NELL1: variants seen among roughly 807,000 people sequenced by gnomAD.
NELL1 encodes neural EGFL like 1.
In NELL1, 76 loss-of-function variants were observed where a neutral mutation model predicts 107.4. The ratio of observed to expected loss-of-function variants is 0.71; its 90% CI spans 0.59 to 0.86. The LOEUF (loss-of-function observed/expected upper bound fraction) is 0.86. Ranked by LOEUF, NELL1 falls within the 40% of genes least tolerant of loss-of-function variation. The pLI is 0.00. For missense variants in NELL1, 1,024 were observed against 1,005.5 expected, an observed-to-expected ratio of 1.02 and a Z score of -0.25; for synonymous variants, 353 against 341.2, an observed-to-expected ratio of 1.03 and a Z score of -0.38.
chr11:21,544,923 AC>A (rs1308555321), intron 16 of NELL1, among the ~76,000 whole-genome samples: 5 of 151,914 alleles, frequency 3.3e-5, no homozygotes, highest in East Asian at 3.9e-4. Context: ...ATGATTGCAT[AC>A]ACTACTTGCT....
intron 4 of NELL1, among the ~76,000 whole-genome samples, chr11:20,857,145 C>T (rs1242661249): frequency 1.3e-5 from 2 of 152,042 alleles, no homozygotes; most frequent in African/African-American, 2.4e-5. Context: ...AGCTGTTGGC[C>T]GTATAAGGGA....
chr11:20,841,985 C>A (rs545106436), intron 3 of NELL1, among the ~76,000 whole-genome samples: 1 of 152,134 alleles, frequency 6.6e-6, no homozygotes, highest in Non-Finnish European at 1.5e-5. Flanking sequence ...GCCATTGAGA[C>A]CCCTGGTCTA....
At chr11:20,865,540 G>A (rs1564940649) in intron 4 of NELL1, among the ~76,000 whole-genome samples, 1 of 138,786 alleles carries the variant, frequency 7.2e-6, no homozygotes, top group Non-Finnish European at 1.6e-5. Flanking sequence ...GCATCTGTGG[G>A]CTTCTTTGCC....
At chr11:21,553,651 A>G (rs1037984636) in intron 16 of NELL1, among the ~76,000 whole-genome samples, 2 of 151,798 alleles carry the variant, frequency 1.3e-5, no homozygotes, top group Non-Finnish European at 2.9e-5. Flanking sequence ...TTTTTCAACC[A>G]CAGCTCCACC....
intron 15 of NELL1, among the ~76,000 whole-genome samples, chr11:21,429,543 A>G (rs1292274367): frequency 1.3e-5 from 2 of 152,220 alleles, no homozygotes; most frequent in East Asian, 1.9e-4. Context: ...AATGCAGTGC[A>G]TGACAAAAAT....
chr11:20,788,185 T>G (rs1857006478), intron 3 of NELL1, among the ~76,000 whole-genome samples: 1 of 152,228 alleles, frequency 6.6e-6, no homozygotes, highest in Non-Finnish European at 1.5e-5. Context: ...TACAAGCTAT[T>G]GTGTGGACAT....
chr11:20,916,041 C>G (rs896598607), intron 5 of NELL1, among the ~76,000 whole-genome samples: 1 of 151,712 alleles, frequency 6.6e-6, no homozygotes, highest in African/African-American at 2.4e-5. Flanking sequence ...GACTTACAAC[C>G]ATTCAAATAA....
chr11:20,952,077 A>G (rs1015102555), intron 11 of NELL1, among the ~76,000 whole-genome samples: 2 of 152,230 alleles, frequency 1.3e-5, no homozygotes, highest in African/African-American at 4.8e-5. Flanking sequence ...AATGTCAACA[A>G]TATTGACCAT....
intron 12 of NELL1, among the ~76,000 whole-genome samples, chr11:21,046,332 T>C (rs1311185452): frequency 6.6e-6 from 1 of 152,180 alleles, no homozygotes; most frequent in Non-Finnish European, 1.5e-5. Flanking sequence ...TATATGTTCT[T>C]ACTACCATTA....
chr11:21,085,402 G>T (rs192560655), intron 12 of NELL1, among the ~76,000 whole-genome samples: 2 of 152,298 alleles, frequency 1.3e-5, no homozygotes, highest in Non-Finnish European at 1.5e-5. Context: ...GGGAGGCTAA[G>T]TTGGGAGGAT....
intron 10 of NELL1, 128 bp from the exon 11 acceptor site, chr11:20,947,208 G>A: frequency 1.6e-6 from 1 of 620,966 alleles, no homozygotes; most frequent in Non-Finnish European, 2.9e-6. Context: ...CGTTTTTAGT[G>A]GAATCCCTGG....
chr11:21,364,780 G>A (rs1449527002), intron 14 of NELL1, among the ~76,000 whole-genome samples: 3 of 152,164 alleles, frequency 2.0e-5, no homozygotes, highest in Non-Finnish European at 4.4e-5. Flanking sequence ...AAATGATTGT[G>A]CCTTAAGGTA....
chr11:20,987,262 T>C (rs1851872493), intron 12 of NELL1, among the ~76,000 whole-genome samples: 1 of 152,190 alleles, frequency 6.6e-6, no homozygotes, highest in East Asian at 1.9e-4. Context: ...CTTATTCTTA[T>C]CTAATCAAAA....
intron 15 of NELL1, among the ~76,000 whole-genome samples, chr11:21,497,133 G>T (rs941009727): frequency 4.0e-4 from 52 of 129,556 alleles, no homozygotes; most frequent in African/African-American, 1.5e-3. Flanking sequence ...AATCCTTTGG[G>T]TATATACCCA....
intron 2 of NELL1, among the ~76,000 whole-genome samples, chr11:20,724,760 C>T (rs1432549491): frequency 6.6e-6 from 1 of 152,148 alleles, no homozygotes; most frequent in Non-Finnish European, 1.5e-5. Context: ...TTCCAAAGTC[C>T]CTTCCACATT....
intron 3 of NELL1, among the ~76,000 whole-genome samples, chr11:20,821,572 G>T (rs2134025242): frequency 6.6e-6 from 1 of 152,336 alleles, no homozygotes; most frequent in East Asian, 1.9e-4. Flanking sequence ...AAAAGGACTT[G>T]TTATGATTAT....
At chr11:21,496,453 AG>A (rs1854983624) in intron 15 of NELL1, among the ~76,000 whole-genome samples, 1 of 140,616 alleles carries the variant, frequency 7.1e-6, no homozygotes, top group South Asian at 2.2e-4. Flanking sequence ...TCTGTCACCC[AG>A]GCTGGAGTGC....
intron 15 of NELL1, among the ~76,000 whole-genome samples, chr11:21,500,419 A>G (rs1009562563): frequency 3.3e-5 from 5 of 152,116 alleles, no homozygotes; most frequent in Admixed American, 6.6e-5. Flanking sequence ...AGATCTAATG[A>G]TTATGTACCT....
chr11:20,688,641 G>T lies in NELL1; in HGVS notation c.184+10581G>T, dbSNP rs907510531. Among the ~76,000 whole-genome samples, 4 of 152,004 alleles carry T rather than the reference G, an allele frequency of 2.6e-5. No individual in the cohort carries two copies. In the East Asian group the frequency reaches 5.8e-4, roughly 22 times the overall value. ...TTTCTTTATCCAATCCACCATTAAT[G>T]GCCACCTAGATTGATTGCATGTCTT... On this transcript the variant is annotated intron_variant, in intron 2 of 19. Transcript: ENST00000357134.
Sources: gnomAD v4.1 joint callset for allele counts (sites outside exome capture counted in the v4.1 genomes callset) on GRCh38, gnomAD v4.1.1 for gene constraint, MANE v1.5 for transcripts, NCBI Gene and HGNC (gene_info 2026-07-23, HGNC 2026-07-21) for gene names.